The following CELF2 variants were observed in gnomAD, a reference collection of about 807,000 sequenced individuals.
CELF2 encodes the protein CUGBP Elav-like family member 2.
A neutral mutation model predicts 62.6 loss-of-function variants in CELF2; 8 were observed. The observed-to-expected ratio is 0.13, with a 90% confidence interval of 0.07 to 0.23. CELF2 has a LOEUF of 0.23. CELF2 is among the 10% of genes least tolerant of loss of function. The pLI, the probability that CELF2 is intolerant of heterozygous loss-of-function variation, is 1.00. For missense variants in CELF2, 333 were observed against 671.0 expected, an observed-to-expected ratio of 0.50 and a Z score of 5.56; for synonymous variants, 258 against 250.0, an observed-to-expected ratio of 1.03 and a Z score of -0.30.
the CELF2 span, among the ~76,000 whole-genome samples, chr10:10,500,926 A>G: frequency 1.3e-5 from 2 of 152,186 alleles, no homozygotes; most frequent in Non-Finnish European, 2.9e-5. Flanking sequence ...TTCTCTGGAG[A>G]TTCTTCTAGG....
chr10:11,132,699 A>G (rs982253722), intron 1 of CELF2, among the ~76,000 whole-genome samples: 6 of 152,208 alleles, frequency 3.9e-5, no homozygotes, highest in African/African-American at 1.4e-4. Context: ...CTTAAATGAA[A>G]AGCAATGCTA....
At chr10:10,773,290 C>T in the CELF2 span, among the ~76,000 whole-genome samples, 2 of 152,106 alleles carry the variant, frequency 1.3e-5, no homozygotes, top group East Asian at 1.9e-4. Flanking sequence ...TCACTGTAGG[C>T]GTTGATATAG....
the CELF2 span, among the ~76,000 whole-genome samples, chr10:10,546,007 TCAGAGAA>T: frequency 9.2e-5 from 14 of 152,132 alleles, no homozygotes; most frequent in Admixed American, 3.9e-4. Context: ...GGAGAGAGGT[TCAGAGAA>T]CAGCCTTGTG....
At chr10:10,719,211 G>T in the CELF2 span, among the ~76,000 whole-genome samples, 2 of 151,894 alleles carry the variant, frequency 1.3e-5, no homozygotes, top group Non-Finnish European at 2.9e-5. Flanking sequence ...ACCCACCTCG[G>T]CTTCTCAAAG....
chr10:11,105,856 C>T (rs1447925272), intron 1 of CELF2, among the ~76,000 whole-genome samples: 1 of 152,198 alleles, frequency 6.6e-6, no homozygotes, highest in Admixed American at 6.5e-5. Context: ...CCCTGGAATA[C>T]GATACCCCAG....
chr10:11,069,603 T>C (rs1275466082), intron 1 of CELF2, among the ~76,000 whole-genome samples: 1 of 152,238 alleles, frequency 6.6e-6, no homozygotes. Context: ...GATGTTTGTT[T>C]ATGGAAAATG....
Position 11,270,053 on chromosome 10 carries a change from G to C in CELF2, c.619-613G>C, listed in dbSNP as rs567015188. Among the ~76,000 whole-genome samples, 7 of 152,136 alleles carry C rather than the reference G, an allele frequency of 4.6e-5. No individual in the cohort carries two copies. Among genetic ancestry groups the C allele is most frequent in the African/African-American group, 1.7e-4 (7 of 41,414 alleles). On this transcript the variant is annotated intron_variant, in intron 6 of 12. Transcript: ENST00000633077. The surrounding 1 kb of genome is among the most constrained non-coding windows in gnomAD (Gnocchi z 5.8). The stretch of plus-strand genomic sequence containing the variant: ...AAGAGGCCTCTCTGAAAACGTGAAC[G>C]GTTACTTTGGAGAATGCCTGTGTTC...
At chr10:11,222,012 A>C (rs2065010367) in intron 3 of CELF2, among the ~76,000 whole-genome samples, 1 of 152,224 alleles carries the variant, frequency 6.6e-6, no homozygotes, top group African/African-American at 2.4e-5. Context: ...GTGTTCACCC[A>C]GGTGGAGTGA....
the CELF2 span, among the ~76,000 whole-genome samples, chr10:10,757,719 C>A: frequency 5.9e-5 from 9 of 152,188 alleles, no homozygotes; most frequent in African/African-American, 1.7e-4. Flanking sequence ...GAAGTTGGAT[C>A]TACACCTGTG....
the CELF2 span, among the ~76,000 whole-genome samples, chr10:10,676,942 T>C: frequency 6.6e-6 from 1 of 152,192 alleles, no homozygotes; most frequent in Non-Finnish European, 1.5e-5. Context: ...GTCTTTACAA[T>C]CATTCATTAT....
chr10:10,553,174 T>C, the CELF2 span, among the ~76,000 whole-genome samples: 1 of 152,166 alleles, frequency 6.6e-6, no homozygotes, highest in Admixed American at 6.5e-5. Context: ...CCTTATATGG[T>C]GACAGGCAAG....
At chr10:11,231,705 TTC>T (rs1491154807) in intron 3 of CELF2, among the ~76,000 whole-genome samples, 1 of 150,652 alleles carries the variant, frequency 6.6e-6, no homozygotes, top group Non-Finnish European at 1.5e-5. Flanking sequence ...TTTTTTTTTT[TTC>T]CCAAAAAGGC....
rs34216576 is a variant in CELF2 at position 11,062,939 on chromosome 10, A to AC, written c.74+44784dup. Among the ~76,000 whole-genome samples the AC allele has an allele frequency of 9.6e-3, 1,459 of 151,242 alleles. 11 individuals carry two copies. The highest frequency in any genetic ancestry group is 0.017 in the Middle Eastern group (5 of 292). On this transcript the variant is annotated intron_variant, in intron 1 of 12. Coordinates refer to ENST00000633077, the MANE Select transcript of CELF2 (RefSeq NM_001326342.2). ...AGAGATTGCCACATCCTTCAGCAGC[A>AC]CCCCCCCCGCCATCAGTCAGTAGCC...
chr10:11,272,397 G>A (rs2084151609), intron 7 of CELF2, among the ~76,000 whole-genome samples: 1 of 152,188 alleles, frequency 6.6e-6, no homozygotes, highest in Non-Finnish European at 1.5e-5. Context: ...ACAGTCGATT[G>A]GTTTAATTCT....
intron 1 of CELF2, among the ~76,000 whole-genome samples, chr10:11,026,950 CGG>C (rs755961225): frequency 1.2e-4 from 18 of 152,126 alleles, no homozygotes; most frequent in Non-Finnish European, 2.4e-4. Flanking sequence ...TGGCGTGTTT[CGG>C]AATGATTAAC....
chr10:10,884,368 G>C (rs1164534574), intron 1 of CELF2, among the ~76,000 whole-genome samples: 1 of 152,168 alleles, frequency 6.6e-6, no homozygotes, highest in Non-Finnish European at 1.5e-5. Context: ...GGAAGGTATT[G>C]TGTGATGTTT....
rs368171366 is a variant in CELF2, at chr10:10,919,087, G to A, written c.54-877G>A. On this transcript the variant is annotated intron_variant, in intron 1 of 13. Transcript: ENST00000636488. ...GGAGGTCGAGACTAGCCTGGTCAAC[G>A]TGGAAAAACCTGTCTCTACTAAAAA... is the stretch of plus-strand genomic sequence containing the variant. Among the ~76,000 whole-genome samples the A allele has an allele frequency of 4.6e-5, 7 of 152,130 alleles. No individual in the cohort carries two copies. The South Asian group carries it at 8.3e-4, about 18-fold the overall frequency.
At chr10:10,875,386 A>G (rs2061016998) in intron 1 of CELF2, among the ~76,000 whole-genome samples, 1 of 152,192 alleles carries the variant, frequency 6.6e-6, no homozygotes. Context: ...GTGTAATCAC[A>G]TTTTCAGAGG....
chr10:10,893,869 C>G (rs541175990), intron 1 of CELF2, among the ~76,000 whole-genome samples: 1 of 152,286 alleles, frequency 6.6e-6, no homozygotes, highest in East Asian at 1.9e-4. Context: ...CCCCCATGAT[C>G]TAATCACCTC....
Sources: gnomAD v4.1 joint callset for allele counts (sites outside exome capture counted in the v4.1 genomes callset) on GRCh38, gnomAD v4.1.1 for gene constraint, Gnocchi (gnomAD v3.1) non-coding constraint, MANE v1.5 for transcripts, NCBI Gene and HGNC (gene_info 2026-07-23, HGNC 2026-07-21) for gene names.